GRID1: variants seen among roughly 807,000 people sequenced by gnomAD.
GRID1 encodes glutamate ionotropic receptor delta type subunit 1, also known as glutamate receptor ionotropic, delta-1.
GRID1 carries 28 observed loss-of-function variants against 98.0 expected under a neutral mutation model. That is an observed-to-expected ratio of 0.29 (90% CI 0.21 to 0.39). GRID1 has a LOEUF of 0.39. Among genes scored for constraint, GRID1 ranks in the 10% least tolerant of loss-of-function variants. GRID1 has a pLI of 1.00. For synonymous variants in GRID1, 553 were observed against 538.5 expected, an observed-to-expected ratio of 1.03 and a Z score of -0.37; for missense variants, 1,111 against 1,340.5, an observed-to-expected ratio of 0.83 and a Z score of 2.67.
intron 3 of GRID1, among the ~76,000 whole-genome samples, chr10:86,175,514 T>C (rs1845562648): frequency 1.3e-5 from 2 of 152,078 alleles, no homozygotes; most frequent in Admixed American, 6.5e-5. Context: ...CCTCTCTTCC[T>C]GCCATCTCTC....
chr10:86,318,705 G>A (rs1485443001), intron 2 of GRID1, among the ~76,000 whole-genome samples: 1 of 152,156 alleles, frequency 6.6e-6, no homozygotes, highest in Non-Finnish European at 1.5e-5. Flanking sequence ...CCATAGGCAG[G>A]GCAATCTGCT....
At chr10:86,124,937 C>G (rs1031824624) in intron 4 of GRID1, among the ~76,000 whole-genome samples, 6 of 152,202 alleles carry the variant, frequency 3.9e-5, no homozygotes, top group Non-Finnish European at 8.8e-5. Flanking sequence ...CTGGCTGATA[C>G]AGCCAGTGAC....
At chr10:86,217,976 C>G (rs1268095498) in intron 2 of GRID1, among the ~76,000 whole-genome samples, 1 of 152,200 alleles carries the variant, frequency 6.6e-6, no homozygotes, top group East Asian at 1.9e-4. Context: ...CATTTGTCTC[C>G]TGAAAGACAA....
At chr10:85,883,605 C>G (rs767674893) in intron 5 of GRID1, among the ~76,000 whole-genome samples, 1 of 150,924 alleles carries the variant, frequency 6.6e-6, no homozygotes, top group Non-Finnish European at 1.5e-5. Flanking sequence ...CCGTCATGTA[C>G]GTAATCTCAT....
intron 4 of GRID1, among the ~76,000 whole-genome samples, chr10:86,102,550 A>G (rs1844311898): frequency 6.6e-6 from 1 of 152,212 alleles, no homozygotes; most frequent in African/African-American, 2.4e-5. Context: ...GCGCTGCCAC[A>G]CCATTTGCTT....
intron 12 of GRID1, among the ~76,000 whole-genome samples, chr10:85,686,202 G>A (rs1421904276): frequency 6.6e-6 from 1 of 152,162 alleles, no homozygotes; most frequent in Non-Finnish European, 1.5e-5. Context: ...ATGCCCAGAA[G>A]GAGTCTCAGT....
At chr10:85,926,527 G>A (rs1397889327) in intron 4 of GRID1, among the ~76,000 whole-genome samples, 1 of 152,124 alleles carries the variant, frequency 6.6e-6, no homozygotes, top group Non-Finnish European at 1.5e-5. Flanking sequence ...AAAGCTCTTG[G>A]GGACCTCACA....
intron 5 of GRID1, among the ~76,000 whole-genome samples, chr10:85,898,760 C>G (rs1037655449): frequency 2.0e-5 from 3 of 152,132 alleles, no homozygotes; most frequent in Admixed American, 1.3e-4. Context: ...ATGCTTTATT[C>G]TGGAATATCT....
chr10:86,160,713 T>G (rs549191910), intron 3 of GRID1, among the ~76,000 whole-genome samples: 3 of 152,230 alleles, frequency 2.0e-5, no homozygotes, highest in South Asian at 4.1e-4. Flanking sequence ...CTCCCTCATA[T>G]AGTCCTTGCA....
intron 12 of GRID1, among the ~76,000 whole-genome samples, chr10:85,675,252 T>C (rs1841131803): frequency 6.6e-6 from 1 of 152,224 alleles, no homozygotes; most frequent in African/African-American, 2.4e-5. Flanking sequence ...GAGGGATTGA[T>C]GAGGCACATT....
intron 4 of GRID1, among the ~76,000 whole-genome samples, chr10:85,940,213 T>C (rs1024119399): frequency 5.9e-5 from 9 of 152,182 alleles, no homozygotes; most frequent in Non-Finnish European, 1.5e-5. Context: ...TGCCTTTTGA[T>C]GGGACATGCC....
intron 4 of GRID1, among the ~76,000 whole-genome samples, chr10:86,125,467 C>T: frequency 7.1e-6 from 1 of 140,200 alleles, no homozygotes; most frequent in Non-Finnish European, 1.5e-5. Context: ...CTGGCCTTCA[C>T]ACAGGAAAGA....
At chr10:85,695,789 A>G (rs1841386447) in intron 12 of GRID1, among the ~76,000 whole-genome samples, 2 of 152,146 alleles carry the variant, frequency 1.3e-5, no homozygotes, top group African/African-American at 2.4e-5. Context: ...CAAAAAAAAC[A>G]AGCCAGCTGC....
intron 8 of GRID1, among the ~76,000 whole-genome samples, chr10:85,743,309 T>C (rs1841965707): frequency 6.6e-6 from 1 of 152,134 alleles, no homozygotes; most frequent in Admixed American, 6.6e-5. Context: ...GACAGGTGCA[T>C]AAACTAGCTG....
At chr10:86,161,416 C>A (rs1845320894) in intron 3 of GRID1, among the ~76,000 whole-genome samples, 1 of 152,124 alleles carries the variant, frequency 6.6e-6, no homozygotes, top group South Asian at 2.1e-4. Context: ...ATTTACGAAG[C>A]TCCCACCTGG....
At chr10:86,119,774 C>G (rs1402858373) in intron 4 of GRID1, among the ~76,000 whole-genome samples, 1 of 151,968 alleles carries the variant, frequency 6.6e-6, no homozygotes, top group Non-Finnish European at 1.5e-5. Flanking sequence ...TGCAATGGTT[C>G]CCACTGTTGT....
intron 12 of GRID1, among the ~76,000 whole-genome samples, chr10:85,671,192 T>C (rs1223358889): frequency 6.6e-6 from 1 of 152,236 alleles, no homozygotes; most frequent in Non-Finnish European, 1.5e-5. Flanking sequence ...TTCCCTGTCA[T>C]CTGACTATGG....
At chr10:85,773,475 G>A (rs141508156) in intron 8 of GRID1, among the ~76,000 whole-genome samples, 6 of 150,736 alleles carry the variant, frequency 4.0e-5, no homozygotes, top group Admixed American at 6.6e-5. Flanking sequence ...TCTGGCCAGG[G>A]CAATTAGGCA....
chr10:86,180,047 A>G (rs1317833), intron 3 of GRID1, among the ~76,000 whole-genome samples: 75,395 of 152,104 alleles, frequency 0.5, 21,281 homozygotes, highest in African/African-American at 0.78. Context: ...CTATGGCAGA[A>G]GCCAAGTCAA....
Sources: allele counts gnomAD v4.1 joint callset (sites outside exome capture counted in the v4.1 genomes callset), GRCh38; gene constraint gnomAD v4.1.1; transcripts MANE v1.5; gene names NCBI Gene and HGNC (gene_info 2026-07-23, HGNC 2026-07-21).